Variants in SCN4A observed in about 807,000 individuals in gnomAD.
The protein encoded by SCN4A is sodium voltage-gated channel alpha subunit 4.
A neutral mutation model predicts 162.0 loss-of-function variants in SCN4A; 83 were observed. That is an observed-to-expected ratio of 0.51 (90% CI 0.43 to 0.61). SCN4A has a LOEUF of 0.61. Ranked by LOEUF, SCN4A falls within the 20% of genes least tolerant of loss-of-function variation. The pLI, the probability that SCN4A is intolerant of heterozygous loss-of-function variation, is 0.00. For synonymous variants in SCN4A, 944 were observed against 985.1 expected (o/e 0.96, Z 0.78); for missense variants, 2,196 against 2,462.5 (o/e 0.89, Z 2.29).
Position 63,941,249 on chromosome 17 carries a change from T to C in SCN4A, c.5033A>G (p.Asp1678Gly), listed in dbSNP as rs1245539617. 11 of 1,613,688 alleles carry C rather than the reference T, an allele frequency of 6.8e-6. No individual in the cohort carries two copies. In the South Asian group the frequency reaches 9.9e-5, roughly 14 times the overall value. ...CTCTTTGGTCAGGGCAAAGAGGATG[T>C]CCAGGCAGTGGATCTTGTCCCCTGG... ...MVPGDKIHCLDILFALTKEVL... is the reference protein window; with the variant it reads ...MVPGDKIHCLGILFALTKEVL... Residue 1678 changes from aspartate (D) to glycine (G), a missense_variant, in exon 24 of 24, where the codon GAC becomes GGC. Coordinates refer to ENST00000435607, the MANE Select transcript of SCN4A (RefSeq NM_000334.4). This position sits in a 1 kb window ranked among gnomAD's most constrained non-coding sequence, Gnocchi z 6.2.
chr17:63,964,374 C>T, intron 9 of SCN4A, 94 bp downstream of exon 9: 1 of 1,144,746 alleles, frequency 8.7e-7, no homozygotes. Flanking sequence ...TGTACCCTCC[C>T]TCACCCTCGG....
chr17:63,953,997 T>A (rs1908995295), intron 13 of SCN4A, among the ~76,000 whole-genome samples: 1 of 152,228 alleles, frequency 6.6e-6, no homozygotes, highest in Non-Finnish European at 1.5e-5. Flanking sequence ...AGGAGAATCC[T>A]GGCTGGGGTG....
chr17:63,943,369 C>T (rs1908610121), intron 22 of SCN4A, among the ~76,000 whole-genome samples: 1 of 106,362 alleles, frequency 9.4e-6, no homozygotes, highest in South Asian at 2.6e-4. Context: ...GATGCTCCTC[C>T]CCTTTCTTCC....
In SCN4A at chr17:63,941,632, G is replaced by A. The variant is rs1284222969; in HGVS notation, c.4650C>T (p.Pro1550=). ...TCTCCAGGTTGGGGTCACAGTCTGG[G>A]GGCCCGCTGTTGAGGATGGGGTTGA... ...GLLNPILNSG[P]PDCDPNLENP... Residue 1550 remains proline, a synonymous_variant, in exon 24 of 24, where the codon CCC becomes CCT. Transcript: ENST00000435607. This position sits in a 1 kb window ranked among gnomAD's most constrained non-coding sequence, Gnocchi z 6.2. 4 of 1,613,934 alleles carry A rather than the reference G, an allele frequency of 2.5e-6. No homozygotes were observed. In the Admixed American group the frequency reaches 6.7e-5, roughly 27 times the overall value.
intron 4 of SCN4A, among the ~76,000 whole-genome samples, chr17:63,971,471 G>T (rs1256552057): frequency 6.6e-6 from 1 of 152,164 alleles, no homozygotes; most frequent in Non-Finnish European, 1.5e-5. Flanking sequence ...GGCAAAGATA[G>T]CCCGGCTCAC....
In SCN4A at chr17:63,972,749, C is replaced by T. The variant is rs754815921; in HGVS notation, c.93G>A (p.Arg31=). The change falls in exon 1 of 24, where the codon CGG becomes CGA. Residue 31 remains arginine, a synonymous_variant. Transcript: ENST00000435607. The surrounding 1 kb of genome is among the most constrained non-coding windows in gnomAD (Gnocchi z 4.3). ...GCAGCCGGGCCTCCTCCTCCACCGC[C>T]CGCTGTTCTATGGCTGCCAGTGACT... The part of the protein sequence containing the change: ...TRESLAAIEQ[R]AVEEEARLQR... 6.2e-7 allele frequency: 1 copy of T among 1,613,832 alleles called. No individual in the cohort carries two copies. Among genetic ancestry groups the T allele is most frequent in the Non-Finnish European group, 8.5e-7 (1 of 1,179,818 alleles).
intron 9 of SCN4A, among the ~76,000 whole-genome samples, chr17:63,964,098 C>G (rs1269121307): frequency 6.6e-6 from 1 of 152,174 alleles, no homozygotes; most frequent in Non-Finnish European, 1.5e-5. Context: ...AGAAACTGGT[C>G]AGCCGCTCCC....
In SCN4A at chr17:63,964,587, C is replaced by T. The variant is rs121908552; in HGVS notation, c.1333G>A (p.Val445Met). 1.2e-6 allele frequency: 2 copies of T among 1,613,752 alleles called. No homozygotes were observed. The highest frequency in any genetic ancestry group is 1.7e-5 in the Admixed American group (1 of 60,002). ...SFYLINLILA[V>M]VAMAYAEQNE... ...TGCTCGGCATATGCCATGGCCACCA[C>T]GGCCAGGATCAGATTGATGAGGTAG... The change falls in exon 9 of 24, where the codon GTG becomes ATG. Residue 445 changes from valine (V) to methionine (M), a missense_variant. Val to Met is a conservative substitution (Grantham distance 21). Coordinates refer to ENST00000435607, the MANE Select transcript of SCN4A (RefSeq NM_000334.4).
rs753582543 is a variant in SCN4A, at chr17:63,968,151, T to C, written c.908A>G (p.Asn303Ser). The C allele has an allele frequency of 2.5e-6, 4 of 1,613,954 alleles. No individual in the cohort carries two copies. The highest frequency in any genetic ancestry group is 3.4e-6 in the Non-Finnish European group (4 of 1,179,878). Reference sequence around the variant, plus strand: ...CATCTCATTGCCATACCATGTGTCATTGCCGTACCACGTGTCATTGCTGTA... The same window carrying C: ...CATCTCATTGCCATACCATGTGTCACTGCCGTACCACGTGTCATTGCTGTA... ...TWYSNDTWYG[N>S]DTWYGNEMWY... Residue 303 changes from asparagine (N) to serine (S), a missense_variant, in exon 6 of 24, where the codon AAT becomes AGT. Coordinates refer to ENST00000435607, the MANE Select transcript of SCN4A (RefSeq NM_000334.4).
In SCN4A at chr17:63,972,595, G is replaced by T; in HGVS notation, c.247C>A (p.Leu83Met). The part of the protein sequence containing the change: ...PEVIGIPLED[L>M]DPYYSNKKTF... ...TTCTTATTGCTGTAGTAGGGATCCA[G>T]GTCCTCCAGGGGGATGCCGATGACC... The change falls in exon 1 of 24, where the codon CTG (leucine) becomes ATG (methionine). Residue 83 changes from leucine (L) to methionine (M), a missense_variant. Transcript: ENST00000435607. This position sits in a 1 kb window ranked among gnomAD's most constrained non-coding sequence, Gnocchi z 4.3. The T allele has an allele frequency of 6.3e-7, 1 of 1,598,308 alleles. No individual in the cohort carries two copies. The highest frequency in any genetic ancestry group is 1.3e-5 in the African/African-American group (1 of 74,656).
At position 63,951,795 on chromosome 17, in the gene SCN4A, G is replaced by A. The variant is rs760147196; in HGVS notation, c.2482C>T (p.Arg828Cys). 3.8e-6 allele frequency: 6 copies of A among 1,583,642 alleles called. No individual in the cohort carries two copies. The highest frequency in any genetic ancestry group is 1.2e-5 in the South Asian group (1 of 86,934). Residue 828 changes from arginine (R) to cysteine (C), a missense_variant, in exon 14 of 24, where the codon CGC (arginine) becomes TGC (cysteine). By Grantham distance (180) the Arg-to-Cys change is radical (BLOSUM62 -3). Transcript: ENST00000435607. This position sits in a 1 kb window ranked among gnomAD's most constrained non-coding sequence, Gnocchi z 4.5. ...EMNNLQIAIGRIKLGIGFAKA... is the reference protein window; with the variant it reads ...EMNNLQIAIGCIKLGIGFAKA... ...GCAAAGCCGATGCCCAACTTGATGC[G>A]CCCGATGGCAATCTGCAGGTTGTTC...
chr17:63,968,356 C>A lies in SCN4A; in HGVS notation c.704-1G>T. 6.3e-7 allele frequency: 1 copy of A among 1,586,572 alleles called. No homozygotes were observed. Among genetic ancestry groups the A allele is most frequent in the Non-Finnish European group, 8.6e-7 (1 of 1,163,200 alleles). ...AGGGCCCCCACGATCGTCTTCAGCC[C>A]TGACCGCAGAGAGGGCAAGGATATT... On this transcript the variant is annotated splice_acceptor_variant, in intron 5 of 23. Transcript: ENST00000435607. LOFTEE classifies it high-confidence loss of function.
chr17:63,972,679 G>C lies in SCN4A; in HGVS notation c.163C>G (p.Arg55Gly). 1.9e-6 allele frequency: 3 copies of C among 1,613,616 alleles called. No homozygotes were observed. The highest frequency in any genetic ancestry group is 2.5e-6 in the Non-Finnish European group (3 of 1,179,716). ...MEIEEPERKP[R>G]SDLEAGKNLP... is the part of the protein sequence containing the mutation. ...TTCTTGCCAGCCTCCAAGTCACTTC[G>C]TGGCTTCCGTTCGGGCTCCTCAATC... Residue 55 changes from arginine (R) to glycine (G), a missense_variant, in exon 1 of 24, where the codon CGA (arginine) becomes GGA (glycine). Transcript: ENST00000435607. The surrounding 1 kb of genome is among the most constrained non-coding windows in gnomAD (Gnocchi z 4.3).
chr17:63,962,893 C>T (rs1909311147), intron 10 of SCN4A, among the ~76,000 whole-genome samples: 1 of 152,222 alleles, frequency 6.6e-6, no homozygotes, highest in African/African-American at 2.4e-5. Context: ...ACCTGTCATA[C>T]AAGGTCAGGT....
intron 11 of SCN4A, among the ~76,000 whole-genome samples, chr17:63,960,917 C>G (rs1410748689): frequency 6.6e-6 from 1 of 151,590 alleles, no homozygotes; most frequent in African/African-American, 2.4e-5. Flanking sequence ...TGGTCTGGAT[C>G]CCAGATCCCC....
intron 13 of SCN4A, among the ~76,000 whole-genome samples, chr17:63,952,995 C>T (rs1467987167): frequency 6.6e-6 from 1 of 152,148 alleles, no homozygotes; most frequent in East Asian, 1.9e-4. Context: ...GCCTCACTGC[C>T]CTGTGCCTCA....
intron 5 of SCN4A, 76 bp from the exon 6 acceptor site, chr17:63,968,431 C>T: frequency 8.0e-7 from 1 of 1,246,408 alleles, no homozygotes; most frequent in Non-Finnish European, 1.1e-6. Context: ...CCCCCACCGC[C>T]AAGCTTTTTC....
intron 11 of SCN4A, 31 bp from the exon 12 acceptor site, chr17:63,959,469 G>T: frequency 6.2e-7 from 1 of 1,602,406 alleles, no homozygotes; most frequent in Non-Finnish European, 8.5e-7. Flanking sequence ...CTGTCACAGA[G>T]CCTCGGGGAG....
intron 8 of SCN4A, among the ~76,000 whole-genome samples, chr17:63,965,783 G>A (rs933135479): frequency 1.3e-4 from 20 of 152,216 alleles, no homozygotes; most frequent in African/African-American, 4.6e-4. Context: ...CACCGCGCCC[G>A]GCAGGCAGCA....
Sources: allele counts gnomAD v4.1 joint callset (sites outside exome capture counted in the v4.1 genomes callset), GRCh38; gene constraint gnomAD v4.1.1; non-coding constraint Gnocchi (gnomAD v3.1); transcripts MANE v1.5; gene names NCBI Gene and HGNC (gene_info 2026-07-23, HGNC 2026-07-21).